The following PCDHGC5 variants were observed in gnomAD, a reference collection of about 807,000 sequenced individuals.
PCDHGC5 encodes protocadherin gamma subfamily C, 5.
In PCDHGC5, 25 loss-of-function variants were observed where a neutral mutation model predicts 59.0. The observed-to-expected ratio is 0.42, with a 90% CI of 0.31 to 0.59. The LOEUF is 0.59. Among genes scored for constraint, PCDHGC5 ranks in the 20% least tolerant of loss-of-function variants. The pLI is 0.13. For missense variants in PCDHGC5, 1,067 were observed against 1,206.4 expected (o/e 0.88, Z 1.71); for synonymous variants, 434 against 505.5 (o/e 0.86, Z 1.90).
chr5:141,498,312 T>C (rs2099783060), intron 2 of PCDHGC5, among the ~76,000 whole-genome samples: 1 of 151,714 alleles, frequency 6.6e-6, no homozygotes, highest in Non-Finnish European at 1.5e-5. Context: ...TCACACTGCC[T>C]ACACAGAAGG....
intron 2 of PCDHGC5, among the ~76,000 whole-genome samples, chr5:141,495,922 C>G (rs1263216717): frequency 6.6e-6 from 1 of 152,100 alleles, no homozygotes; most frequent in Non-Finnish European, 1.5e-5. Context: ...CTTTCTTTGT[C>G]TCTGTCTCTG....
chr5:141,489,354 G>A lies in PCDHGC5; in HGVS notation c.114G>A (p.Glu38=), dbSNP rs773010251. The change falls in exon 1 of 4, where the codon GAG becomes GAA. Residue 38 remains glutamate (E), a synonymous_variant. Coordinates refer to ENST00000252087, the MANE Select transcript of PCDHGC5 (RefSeq NM_018929.3). The surrounding 1 kb of genome is among the most constrained non-coding windows in gnomAD (Gnocchi z 4.5). ...AGCTTCGTTACTCAGTGGTGGAGGA[G>A]TCTGAGCCGGGGACGCTGGTGGGGA... ...SGQLRYSVVE[E]SEPGTLVGNV... is the part of the protein sequence containing the mutation. The A allele has an allele frequency of 1.2e-5, 19 of 1,612,796 alleles. No homozygotes were observed. Among genetic ancestry groups the A allele is most frequent in the East Asian group, 2.2e-5 (1 of 44,868 alleles).
chr5:141,497,702 G>A (rs904199928), intron 2 of PCDHGC5, among the ~76,000 whole-genome samples: 16 of 152,054 alleles, frequency 1.1e-4, no homozygotes, highest in African/African-American at 3.9e-4. Context: ...ACCACACCCA[G>A]CTCATTTTTG....
At chr5:141,509,163 C>T (rs561329093) in intron 3 of PCDHGC5, among the ~76,000 whole-genome samples, 1 of 152,204 alleles carries the variant, frequency 6.6e-6, no homozygotes, top group East Asian at 1.9e-4. Context: ...CTCCCGTGTG[C>T]CCTCCTCCTC....
rs71583649 is a variant in PCDHGC5, at chr5:141,491,361, C to A, written c.2121C>A (p.Val707=). The change falls in exon 1 of 4, where the codon GTC becomes GTA. Residue 707 remains valine, a synonymous_variant. Transcript: ENST00000252087. The surrounding 1 kb of genome is among the most constrained non-coding windows in gnomAD (Gnocchi z 6.9). ...ALATVSLLSL[V]TFTFLSAKCL... is the part of the protein sequence containing the mutation. The stretch of plus-strand genomic sequence containing the variant: ...CGACCGTCAGTCTCTTATCCCTAGT[C>A]ACCTTCACCTTTCTGTCAGCGAAGT... 1.0e-3 allele frequency: 1,614 copies of A among 1,614,132 alleles called. 5 individuals carry two copies. The highest frequency in any genetic ancestry group is 5.1e-3 in the Middle Eastern group (31 of 6,062).
Position 141,489,980 on chromosome 5 carries a change from T to G in PCDHGC5, c.740T>G (p.Leu247Arg), listed in dbSNP as rs2099694325. 1.2e-6 allele frequency: 2 copies of G among 1,614,204 alleles called. No individual in the cohort carries two copies. The highest frequency in any genetic ancestry group is 1.7e-6 in the Non-Finnish European group (2 of 1,180,012). The change falls in exon 1 of 4, where the codon CTA (leucine) becomes CGA (arginine). Residue 247 changes from leucine to arginine, a missense_variant. Physicochemically the swap from Leu to Arg is moderately radical, Grantham distance 102. Transcript: ENST00000252087. This position sits in a 1 kb window ranked among gnomAD's most constrained non-coding sequence, Gnocchi z 4.5. ...GCTCCAACCTTCCAATCCTCAGTTC[T>G]ACGTGTGGGAATCCCAGAGAATGCA... ...DNAPTFQSSV[L>R]RVGIPENAPI...
chr5:141,511,182 C>A lies in PCDHGC5; in HGVS notation c.*9C>A. ...AGAAGGAGAAGAAGTAACATGGAGG[C>A]CAGGCCAAGAGCCACAGGGCGGCCT... is the stretch of plus-strand genomic sequence containing the variant. On this transcript the variant is annotated 3_prime_UTR_variant, in exon 4 of 4. Transcript: ENST00000252087. 6.2e-7 allele frequency: 1 copy of A among 1,614,022 alleles called. No homozygotes were observed. Among genetic ancestry groups the A allele is most frequent in the Non-Finnish European group, 8.5e-7 (1 of 1,179,946 alleles).
intron 2 of PCDHGC5, among the ~76,000 whole-genome samples, chr5:141,498,604 C>G (rs1445417630): frequency 6.6e-6 from 1 of 152,122 alleles, no homozygotes; most frequent in East Asian, 1.9e-4. Flanking sequence ...GGTTCAAGTT[C>G]AAGTCAGCAC....
In PCDHGC5 at chr5:141,511,330, T is replaced by C; in HGVS notation, c.*157T>C. 1 of 1,455,994 alleles carries C rather than the reference T, an allele frequency of 6.9e-7. No homozygotes were observed. The highest frequency in any genetic ancestry group is 9.1e-7 in the Non-Finnish European group (1 of 1,093,254). 90.2% of individuals were successfully genotyped at this position (1,455,994 alleles called of 1,614,324 possible). ...TTGGGAAACAGAAACAAGTGCCCAG[T>C]CAGCACCTACCCCTTCCCCCCCAGG... On this transcript the variant is annotated 3_prime_UTR_variant, in exon 4 of 4. Coordinates refer to ENST00000252087, the MANE Select transcript of PCDHGC5 (RefSeq NM_018929.3).
At chr5:141,500,355 C>G (rs539892249) in intron 2 of PCDHGC5, among the ~76,000 whole-genome samples, 2 of 151,912 alleles carry the variant, frequency 1.3e-5, no homozygotes, top group Non-Finnish European at 2.9e-5. Flanking sequence ...ACTACAGGCG[C>G]CCACTACCAC....
At chr5:141,492,553 G>A (rs1184580300) in intron 1 of PCDHGC5, among the ~76,000 whole-genome samples, 1 of 152,148 alleles carries the variant, frequency 6.6e-6, no homozygotes, top group Non-Finnish European at 1.5e-5. Flanking sequence ...CGGGTCGCCT[G>A]GGGGGCGGCC....
chr5:141,507,846 T>G (rs892503210), intron 3 of PCDHGC5, among the ~76,000 whole-genome samples: 1 of 152,134 alleles, frequency 6.6e-6, no homozygotes, highest in African/African-American at 2.4e-5. Context: ...CAGGCCCTGC[T>G]CTCACTTTCA....
chr5:141,494,076 G>A (rs538740530), intron 1 of PCDHGC5, among the ~76,000 whole-genome samples: 24 of 152,234 alleles, frequency 1.6e-4, no homozygotes, highest in African/African-American at 4.3e-4. Flanking sequence ...ATCCCTCCCC[G>A]CTGCATCCCT....
In PCDHGC5 at chr5:141,490,949, A is replaced by G. The variant is rs2074912; in HGVS notation, c.1709A>G (p.Asp570Gly). The change falls in exon 1 of 4, where the codon GAC becomes GGC. Residue 570 changes from aspartate (D) to glycine (G), a missense_variant. Coordinates refer to ENST00000252087, the MANE Select transcript of PCDHGC5 (RefSeq NM_018929.3). The surrounding 1 kb of genome is among the most constrained non-coding windows in gnomAD (Gnocchi z 5.4). ...CCAGCTGTGCTGCACCCACGGCCAG[A>G]CTGGGAACACTCAGCCCCCCAGCGT... The part of the protein sequence containing the change: ...NAPAVLHPRP[D>G]WEHSAPQRLP... 0.21 allele frequency: 331,850 copies of G among 1,613,352 alleles called. 36,311 individuals carry two copies. The highest frequency in any genetic ancestry group is 0.37 in the Admixed American group (22,349 of 59,972).
In PCDHGC5 at chr5:141,489,633, T is replaced by C. The variant is rs1298084961; in HGVS notation, c.393T>C (p.Pro131=). Residue 131 remains proline, a synonymous_variant, in exon 1 of 4, where the codon CCT becomes CCC. Coordinates refer to ENST00000252087, the MANE Select transcript of PCDHGC5 (RefSeq NM_018929.3). The surrounding 1 kb of genome is among the most constrained non-coding windows in gnomAD (Gnocchi z 4.5). ...TCCTGGATCTCAATGACAACTCTCC[T>C]AGCTTTGCCACCCCTGAGCGAGAGA... ...VEILDLNDNS[P]SFATPEREMR... is the part of the protein sequence containing the mutation. The C allele has an allele frequency of 6.2e-7, 1 of 1,614,160 alleles. No individual in the cohort carries two copies. Among genetic ancestry groups the C allele is most frequent in the South Asian group, 1.1e-5 (1 of 91,086 alleles).
chr5:141,499,233 C>A (rs1047984757), intron 2 of PCDHGC5, among the ~76,000 whole-genome samples: 2 of 152,116 alleles, frequency 1.3e-5, no homozygotes, highest in Non-Finnish European at 2.9e-5. Context: ...CAGCTGTCCC[C>A]AGCCTCTGCA....
At chr5:141,492,578 G>A (rs1380328678) in intron 1 of PCDHGC5, among the ~76,000 whole-genome samples, 1 of 152,216 alleles carries the variant, frequency 6.6e-6, no homozygotes, top group Non-Finnish European at 1.5e-5. Flanking sequence ...CGAGGCGCGG[G>A]GCCAGGAGCG....
In PCDHGC5 at chr5:141,489,372, G is replaced by A. The variant is rs1335356378; in HGVS notation, c.132G>A (p.Leu44=). 2 of 1,613,814 alleles carry A rather than the reference G, an allele frequency of 1.2e-6. No individual in the cohort carries two copies. Among genetic ancestry groups the A allele is most frequent in the Non-Finnish European group, 1.7e-6 (2 of 1,179,700 alleles). Residue 44 remains leucine, a synonymous_variant, in exon 1 of 4, where the codon CTG becomes CTA. Transcript: ENST00000252087. The surrounding 1 kb of genome is among the most constrained non-coding windows in gnomAD (Gnocchi z 4.5). ...TGGAGGAGTCTGAGCCGGGGACGCT[G>A]GTGGGGAATGTTGCTCAGGATCTGG... ...SVVEESEPGT[L]VGNVAQDLGL...
At position 141,510,839 on chromosome 5, in the gene PCDHGC5, C is replaced by G. The variant is rs186647886; in HGVS notation, c.2609-108C>G. The stretch of plus-strand genomic sequence containing the variant: ...CTATATTCCCAGTGCTCAGCGTGGT[C>G]AAGGCCCAGGGTGCTGTATAGGCAT... On this transcript the variant is annotated intron_variant, in intron 3 of 3. Coordinates refer to ENST00000252087, the MANE Select transcript of PCDHGC5 (RefSeq NM_018929.3). The G allele has an allele frequency of 6.5e-5, 103 of 1,587,108 alleles. No individual in the cohort carries two copies. The East Asian group carries it at 1.6e-3, about 25-fold the overall frequency.
Sources: gnomAD v4.1 joint callset for allele counts (sites outside exome capture counted in the v4.1 genomes callset) on GRCh38, gnomAD v4.1.1 for gene constraint, Gnocchi (gnomAD v3.1) non-coding constraint, MANE v1.5 for transcripts, NCBI Gene and HGNC (gene_info 2026-07-23, HGNC 2026-07-21) for gene names.